Variants in THADA observed in about 807,000 individuals in gnomAD.
The protein encoded by THADA is tRNA (32-2'-O)-methyltransferase regulator THADA.
Under a neutral mutation model 219.8 loss-of-function variants are expected in THADA, and 213 were observed. That is an observed-to-expected ratio of 0.97 (90% confidence interval 0.87 to 1.09). The LOEUF is 1.09. Among genes scored for constraint, THADA ranks in the 50% least tolerant of loss-of-function variants. THADA has a pLI of 0.00. For missense variants in THADA, 2,956 were observed against 2,311.3 expected (o/e 1.28, Z -5.72); for synonymous variants, 1,018 against 828.9 (o/e 1.23, Z -3.92).
intron 26 of THADA, chr2:43,430,580 A>C (rs1679105868): frequency 4.2e-6 from 2 of 478,408 alleles, no homozygotes; most frequent in South Asian, 1.6e-5. Flanking sequence ...AGAAATATGT[A>C]ATCTGTGCCA....
At chr2:43,300,373 G>C (rs1676115518) in intron 31 of THADA, among the ~76,000 whole-genome samples, 1 of 152,048 alleles carries the variant, frequency 6.6e-6, no homozygotes, top group Non-Finnish European at 1.5e-5. Context: ...TCTTTAATGA[G>C]GTAGGCTCTA....
intron 29 of THADA, among the ~76,000 whole-genome samples, chr2:43,385,520 T>G: frequency 7.0e-6 from 1 of 142,496 alleles, no homozygotes. Flanking sequence ...GGCAGGAGAA[T>G]GGCGTGAACC....
chr2:43,396,628 C>T (rs777748874), intron 29 of THADA, among the ~76,000 whole-genome samples: 43 of 151,938 alleles, frequency 2.8e-4, no homozygotes, highest in Non-Finnish European at 5.6e-4. Context: ...TGATGAAACC[C>T]CATCTCTACT....
At chr2:43,449,009 T>C (rs747563435) in intron 26 of THADA, among the ~76,000 whole-genome samples, 21 of 152,182 alleles carry the variant, frequency 1.4e-4, no homozygotes, top group Non-Finnish European at 2.8e-4. Flanking sequence ...AAAGACTTGA[T>C]GGTAGAGACA....
At chr2:43,329,120 C>T (rs1024544973) in intron 30 of THADA, among the ~76,000 whole-genome samples, 1 of 152,204 alleles carries the variant, frequency 6.6e-6, no homozygotes, top group South Asian at 2.1e-4. Flanking sequence ...TTCCCTCCCT[C>T]TGTGACTTGT....
Position 43,273,546 on chromosome 2 carries a change from G to A in THADA, c.5296+6219C>T, listed in dbSNP as rs551487632. Among the ~76,000 whole-genome samples, 205 of 152,298 alleles carry A rather than the reference G, an allele frequency of 1.3e-3. 2 individuals carry two copies. The South Asian group carries it at 0.019, about 14-fold the overall frequency. On this transcript the variant is annotated intron_variant, in intron 36 of 37. Coordinates refer to ENST00000405975, the MANE Select transcript of THADA (RefSeq NM_022065.5). ...GAGCCTACTGGAAGGCAGGAGGAAGGGGGAGGCAGTCAGTACTTGCAGAGC... is the reference window on the plus strand; with the variant it reads ...GAGCCTACTGGAAGGCAGGAGGAAGAGGGAGGCAGTCAGTACTTGCAGAGC...
intron 26 of THADA, among the ~76,000 whole-genome samples, chr2:43,459,579 T>G (rs779366326): frequency 2.0e-5 from 3 of 152,206 alleles, no homozygotes; most frequent in Non-Finnish European, 4.4e-5. Flanking sequence ...AAGTAAAATA[T>G]CCAGTGATTA....
At chr2:43,398,508 A>G (rs1674383018) in intron 28 of THADA, among the ~76,000 whole-genome samples, 1 of 152,242 alleles carries the variant, frequency 6.6e-6, no homozygotes, top group African/African-American at 2.4e-5. Flanking sequence ...TTGTCTTTGA[A>G]GAGCCCATAC....
At chr2:43,322,045 T>G (rs1678775654) in intron 30 of THADA, among the ~76,000 whole-genome samples, 1 of 151,460 alleles carries the variant, frequency 6.6e-6, no homozygotes, top group African/African-American at 2.4e-5. Context: ...ATCAGATACT[T>G]TTTTTTTTGA....
Position 43,556,343 on chromosome 2 carries a change from A to G in THADA, c.2674+2T>C. On this transcript the variant is annotated splice_donor_variant, in intron 17 of 37. Transcript: ENST00000405975. LOFTEE classifies it high-confidence loss of function. Reference sequence around the variant, plus strand: ...TTGATAAGAGCAAACATCAATACAAACCCATTAATGTGTTCCTTTCCACCA... The same window carrying G: ...TTGATAAGAGCAAACATCAATACAAGCCCATTAATGTGTTCCTTTCCACCA... 4 of 1,613,610 alleles carry G rather than the reference A, an allele frequency of 2.5e-6. No homozygotes were observed. The highest frequency in any genetic ancestry group is 3.4e-6 in the Non-Finnish European group (4 of 1,179,728).
chr2:43,368,173 G>T (rs1048539038), intron 29 of THADA, among the ~76,000 whole-genome samples: 1 of 152,124 alleles, frequency 6.6e-6, no homozygotes, highest in African/African-American at 2.4e-5. Context: ...CTCCATTGCA[G>T]ACTACTTTAA....
At chr2:43,255,171 C>G (rs1485383218) in intron 36 of THADA, among the ~76,000 whole-genome samples, 1 of 152,140 alleles carries the variant, frequency 6.6e-6, no homozygotes, top group African/African-American at 2.4e-5. Context: ...GGTACCAGAG[C>G]AGAGGGACGT....
At chr2:43,515,397 A>G (rs865933473) in intron 22 of THADA, among the ~76,000 whole-genome samples, 2 of 107,756 alleles carry the variant, frequency 1.9e-5, no homozygotes, top group South Asian at 2.4e-4. Context: ...TATATATAAT[A>G]TATATAAACT....
intron 34 of THADA, among the ~76,000 whole-genome samples, chr2:43,289,836 A>G (rs1406159205): frequency 6.6e-6 from 1 of 151,908 alleles, no homozygotes; most frequent in Admixed American, 6.6e-5. Context: ...AATTTTTAGT[A>G]GAGCTGGGGT....
At chr2:43,296,903 C>T (rs1485154288) in intron 31 of THADA, among the ~76,000 whole-genome samples, 1 of 150,854 alleles carries the variant, frequency 6.6e-6, no homozygotes, top group East Asian at 2.0e-4. Context: ...GGGCAAGGAG[C>T]AGCCGCCTGC....
chr2:43,252,203 AT>A (rs1325471422), intron 36 of THADA, among the ~76,000 whole-genome samples: 2 of 151,934 alleles, frequency 1.3e-5, no homozygotes, highest in Non-Finnish European at 2.9e-5. Context: ...TGCTTTCACC[AT>A]TTTTCAACCT....
At chr2:43,339,140 T>C (rs1666802842) in intron 30 of THADA, among the ~76,000 whole-genome samples, 1 of 152,236 alleles carries the variant, frequency 6.6e-6, no homozygotes, top group Non-Finnish European at 1.5e-5. Flanking sequence ...AATAGACTTT[T>C]ACTCTCTTCC....
At chr2:43,477,228 G>A (rs1352163901) in intron 26 of THADA, among the ~76,000 whole-genome samples, 1 of 151,782 alleles carries the variant, frequency 6.6e-6, no homozygotes, top group Non-Finnish European at 1.5e-5. Flanking sequence ...AAAAAAAATG[G>A]CAATATATGT....
chr2:43,334,882 G>A (rs1340523431), intron 30 of THADA, among the ~76,000 whole-genome samples: 1 of 152,230 alleles, frequency 6.6e-6, no homozygotes, highest in African/African-American at 2.4e-5. Flanking sequence ...GAGCCCTGGG[G>A]CCATGAAGCC....
Sources: gnomAD v4.1 joint callset for allele counts (sites outside exome capture counted in the v4.1 genomes callset) on GRCh38, gnomAD v4.1.1 for gene constraint, MANE v1.5 for transcripts, NCBI Gene and HGNC (gene_info 2026-07-23, HGNC 2026-07-21) for gene names.